Variants in VPS13B observed in about 807,000 individuals in gnomAD.
VPS13B encodes intermembrane lipid transfer protein VPS13B.
A neutral mutation model predicts 426.4 loss-of-function variants in VPS13B; 285 were observed. The observed-to-expected ratio is 0.67, with a 90% CI of 0.61 to 0.74. The LOEUF is 0.74. Among genes scored for constraint, VPS13B ranks in the 30% least tolerant of loss-of-function variants. The pLI is 0.00. For synonymous variants in VPS13B, 1,676 were observed against 1,676.4 expected, an observed-to-expected ratio of 1.00 and a Z score of 0.01; for missense variants, 4,537 against 4,782.6, an observed-to-expected ratio of 0.95 and a Z score of 1.51.
Position 99,835,798 on chromosome 8 carries a change from G to C in VPS13B, c.9942+60G>C, listed in dbSNP as rs560194171. ...GAAAAATGCCCTTTTCTGAGGTTTT[G>C]TCAGTTGCCTATTTTTAAACATAAT... On this transcript the variant is annotated intron_variant, in intron 54 of 61. Transcript: ENST00000357162. 5.1e-5 allele frequency: 78 copies of C among 1,539,188 alleles called. No homozygotes were observed. In the South Asian group the frequency reaches 7.3e-4, roughly 14 times the overall value.
At chr8:99,616,470 A>G (rs936160430) in intron 33 of VPS13B, among the ~76,000 whole-genome samples, 1 of 152,230 alleles carries the variant, frequency 6.6e-6, no homozygotes, top group Non-Finnish European at 1.5e-5. Context: ...TTTGAAAGAT[A>G]AATAGGCATT....
chr8:99,827,845 G>A (rs1814787865), intron 51 of VPS13B, among the ~76,000 whole-genome samples: 2 of 152,152 alleles, frequency 1.3e-5, no homozygotes, highest in African/African-American at 4.8e-5. Context: ...TAGTTACCCA[G>A]TAGTCATTCA....
intron 19 of VPS13B, among the ~76,000 whole-genome samples, chr8:99,377,961 C>T (rs143961454): frequency 2.6e-5 from 4 of 152,256 alleles, no homozygotes; most frequent in African/African-American, 9.6e-5. Flanking sequence ...CACTCATTGT[C>T]ATTGATAAAC....
intron 40 of VPS13B, among the ~76,000 whole-genome samples, chr8:99,770,602 A>G (rs1811437489): frequency 6.6e-6 from 1 of 152,220 alleles, no homozygotes; most frequent in Admixed American, 6.5e-5. Flanking sequence ...ACTCTAACTC[A>G]GCGAGGATGT....
At chr8:99,044,176 C>T (rs1471026485) in intron 3 of VPS13B, among the ~76,000 whole-genome samples, 2 of 150,234 alleles carry the variant, frequency 1.3e-5, no homozygotes, top group African/African-American at 2.5e-5. Flanking sequence ...CTCTGCCTCC[C>T]GGGTTCACGC....
At chr8:99,612,901 GCTAT>G in intron 33 of VPS13B, among the ~76,000 whole-genome samples, 1 of 152,054 alleles carries the variant, frequency 6.6e-6, no homozygotes, top group Middle Eastern at 3.4e-3. Context: ...CTTTACTCCT[GCTAT>G]CTATTTGACT....
In VPS13B at chr8:99,818,553, C is replaced by T. The variant is rs377331722; in HGVS notation, c.8445+19C>T. On this transcript the variant is annotated intron_variant, in intron 46 of 61. Coordinates refer to ENST00000357162, the MANE Select transcript of VPS13B (RefSeq NM_152564.5). ...ACGAATGGTGAGTGCTTTCCCAATC[C>T]TAAAATATGGTATATGACTCTGACC... is the stretch of plus-strand genomic sequence containing the variant. 5 of 1,612,902 alleles carry T rather than the reference C, an allele frequency of 3.1e-6. No individual in the cohort carries two copies. The highest frequency in any genetic ancestry group is 2.2e-5 in the East Asian group (1 of 44,874).
At chr8:99,166,616 T>C (rs186695124) in intron 15 of VPS13B, among the ~76,000 whole-genome samples, 2 of 152,338 alleles carry the variant, frequency 1.3e-5, no homozygotes, top group East Asian at 3.9e-4. Context: ...TCTTCTTGAA[T>C]TGGAAGACTT....
At chr8:99,650,785 G>C (rs966939583) in intron 34 of VPS13B, among the ~76,000 whole-genome samples, 1 of 152,168 alleles carries the variant, frequency 6.6e-6, no homozygotes, top group Admixed American at 6.5e-5. Flanking sequence ...AAGGGCAGGG[G>C]ATTACTGTAT....
intron 47 of VPS13B, 131 bp downstream of exon 47, chr8:99,819,019 T>A (rs1022654597): frequency 7.8e-6 from 7 of 902,266 alleles, no homozygotes; most frequent in East Asian, 2.7e-5. Context: ...TTTTGTATGA[T>A]TTCTTATCTT....
At chr8:99,667,343 C>G (rs1277606800) in intron 35 of VPS13B, among the ~76,000 whole-genome samples, 1 of 152,056 alleles carries the variant, frequency 6.6e-6, no homozygotes, top group Non-Finnish European at 1.5e-5. Flanking sequence ...CAGTCACAGT[C>G]TTTGAGAGCC....
chr8:99,829,903 G>A (rs1374357206), intron 51 of VPS13B, among the ~76,000 whole-genome samples: 1 of 152,176 alleles, frequency 6.6e-6, no homozygotes, highest in African/African-American at 2.4e-5. Flanking sequence ...CCCAGACCCT[G>A]TTTGCCTGGA....
At chr8:99,447,543 G>A (rs907604342) in intron 23 of VPS13B, among the ~76,000 whole-genome samples, 2 of 152,106 alleles carry the variant, frequency 1.3e-5, no homozygotes, top group Non-Finnish European at 2.9e-5. Context: ...AAACACGGAT[G>A]CTCAATTTTA....
At chr8:99,186,151 G>T (rs1261537998) in intron 16 of VPS13B, among the ~76,000 whole-genome samples, 1 of 152,028 alleles carries the variant, frequency 6.6e-6, no homozygotes, top group East Asian at 1.9e-4. Flanking sequence ...TGAGGAATAG[G>T]CATGTGTTAA....
At chr8:99,866,438 T>A (rs1817104103) in intron 58 of VPS13B, among the ~76,000 whole-genome samples, 1 of 152,240 alleles carries the variant, frequency 6.6e-6, no homozygotes, top group Non-Finnish European at 1.5e-5. Context: ...CTCAAAGGTC[T>A]GCTGCTGAGC....
At chr8:99,263,831 G>T (rs1019023132) in intron 17 of VPS13B, among the ~76,000 whole-genome samples, 1 of 152,110 alleles carries the variant, frequency 6.6e-6, no homozygotes, top group Non-Finnish European at 1.5e-5. Context: ...ACATCTTTGG[G>T]GGGGACCATT....
At chr8:99,170,232 T>C (rs1215829002) in intron 16 of VPS13B, 69 bp downstream of exon 16, 9 of 1,561,500 alleles carry the variant, frequency 5.8e-6, no homozygotes, top group Non-Finnish European at 7.0e-6. Context: ...AACCCCCAAA[T>C]GTATCTGTCT....
intron 19 of VPS13B, among the ~76,000 whole-genome samples, chr8:99,289,022 C>T (rs1303007409): frequency 8.0e-6 from 1 of 124,530 alleles, no homozygotes; most frequent in Admixed American, 8.2e-5. Context: ...CATAGTGAGA[C>T]CCCTGCCTCT....
At chr8:99,065,487 A>T (rs1160809683) in intron 3 of VPS13B, among the ~76,000 whole-genome samples, 2 of 152,216 alleles carry the variant, frequency 1.3e-5, no homozygotes, top group African/African-American at 4.8e-5. Flanking sequence ...AACTCTCAAT[A>T]AACTAGGTAT....
Sources: allele counts gnomAD v4.1 joint callset (sites outside exome capture counted in the v4.1 genomes callset), GRCh38; gene constraint gnomAD v4.1.1; transcripts MANE v1.5; gene names NCBI Gene and HGNC (gene_info 2026-07-23, HGNC 2026-07-21).